CHST11: variants seen among roughly 807,000 people sequenced by gnomAD.
The protein encoded by CHST11 is carbohydrate sulfotransferase 11, also known as C4S-1.
CHST11 carries 9 observed loss-of-function variants against 30.4 expected under a neutral mutation model. That is an observed-to-expected ratio of 0.30 (90% CI 0.18 to 0.52). The LOEUF is 0.52. Ranked by LOEUF, CHST11 falls within the 20% of genes least tolerant of loss-of-function variation. CHST11 has a pLI of 0.97. For missense variants in CHST11, 348 were observed against 460.6 expected (o/e 0.76, Z 2.24); for synonymous variants, 152 against 187.8 (o/e 0.81, Z 1.56).
intron 1 of CHST11, among the ~76,000 whole-genome samples, chr12:104,541,403 T>A (rs1425624849): frequency 6.6e-6 from 1 of 152,218 alleles, no homozygotes; most frequent in African/African-American, 2.4e-5. Flanking sequence ...ACGTGGTCTG[T>A]GTTCGGTTTG....
intron 2 of CHST11, among the ~76,000 whole-genome samples, chr12:104,631,353 C>T (rs995798764): frequency 1.3e-5 from 2 of 152,162 alleles, no homozygotes; most frequent in African/African-American, 4.8e-5. Flanking sequence ...ACGGTGGTAG[C>T]GGACCCTGTT....
At chr12:104,577,361 T>G (rs183590641) in intron 1 of CHST11, among the ~76,000 whole-genome samples, 275 of 151,748 alleles carry the variant, frequency 1.8e-3, no homozygotes, top group African/African-American at 6.4e-3. Context: ...TCACGTTGTG[T>G]TCATGCAGCC....
At chr12:104,614,625 G>A (rs1222032443) in intron 2 of CHST11, among the ~76,000 whole-genome samples, 1 of 152,016 alleles carries the variant, frequency 6.6e-6, no homozygotes, top group Admixed American at 6.6e-5. Flanking sequence ...CCTAGACTAG[G>A]CATGTGTATG....
At chr12:104,487,790 T>C (rs2037697071) in intron 1 of CHST11, among the ~76,000 whole-genome samples, 1 of 152,148 alleles carries the variant, frequency 6.6e-6, no homozygotes, top group African/African-American at 2.4e-5. Context: ...TATCATTTAA[T>C]TATTTGTATT....
At position 104,590,771 on chromosome 12, in the gene CHST11, A is replaced by T. The variant is rs550725452; in HGVS notation, c.119-11135A>T. Reference sequence around the variant, plus strand: ...ACCCTGTGTACTTAAAAATGCCAAAAATTAGCTGGACATGGTGGCACACGC... The same window carrying T: ...ACCCTGTGTACTTAAAAATGCCAAATATTAGCTGGACATGGTGGCACACGC... On this transcript the variant is annotated intron_variant, in intron 1 of 2. Transcript: ENST00000303694. Among the ~76,000 whole-genome samples, 234 of 152,202 alleles carry T rather than the reference A, an allele frequency of 1.5e-3. 1 individual carries two copies. Among genetic ancestry groups the T allele is most frequent in the Non-Finnish European group, 3.0e-3 (204 of 67,994 alleles).
chr12:104,689,494 T>C (rs1316236917), intron 2 of CHST11, among the ~76,000 whole-genome samples: 1 of 152,252 alleles, frequency 6.6e-6, no homozygotes, highest in Admixed American at 6.5e-5. Flanking sequence ...GAATTCTCTT[T>C]CATGCATTCA....
intron 2 of CHST11, among the ~76,000 whole-genome samples, chr12:104,602,934 C>G (rs929171286): frequency 1.1e-4 from 17 of 152,098 alleles, no homozygotes; most frequent in Middle Eastern, 3.4e-3. Flanking sequence ...CCCCCTACCC[C>G]CCTTCCCAAT....
At chr12:104,654,935 G>A (rs140664962) in intron 2 of CHST11, among the ~76,000 whole-genome samples, 52 of 152,262 alleles carry the variant, frequency 3.4e-4, no homozygotes, top group African/African-American at 9.4e-4. Context: ...TATAATGACT[G>A]AATGAAAGAA....
chr12:104,514,157 C>A, intron 1 of CHST11: 2 of 1,039,634 alleles, frequency 1.9e-6, no homozygotes, highest in Non-Finnish European at 3.0e-6. Flanking sequence ...CTTCCTACAG[C>A]AGTTCCCTAC....
At chr12:104,616,954 C>T (rs2039113880) in intron 2 of CHST11, among the ~76,000 whole-genome samples, 1 of 152,144 alleles carries the variant, frequency 6.6e-6, no homozygotes, top group South Asian at 2.1e-4. Context: ...TGGAAGGTAG[C>T]ATGCTTCTGC....
At chr12:104,492,079 C>T (rs1024397522) in intron 1 of CHST11, among the ~76,000 whole-genome samples, 1 of 152,156 alleles carries the variant, frequency 6.6e-6, no homozygotes, top group Non-Finnish European at 1.5e-5. Flanking sequence ...AAAGAATCTC[C>T]TCTTACCATG....
chr12:104,721,373 T>A (rs775420118), intron 2 of CHST11, among the ~76,000 whole-genome samples: 2 of 152,238 alleles, frequency 1.3e-5, no homozygotes, highest in Non-Finnish European at 2.9e-5. Context: ...TAATCCCACA[T>A]GGGTCCAGGG....
chr12:104,667,607 A>G (rs2039653337), intron 2 of CHST11, among the ~76,000 whole-genome samples: 2 of 152,122 alleles, frequency 1.3e-5, no homozygotes, highest in Non-Finnish European at 2.9e-5. Flanking sequence ...CCAGTGTTGG[A>G]GCTAGGACTT....
intron 2 of CHST11, among the ~76,000 whole-genome samples, chr12:104,633,019 C>G (rs1285593890): frequency 1.3e-5 from 2 of 152,236 alleles, no homozygotes; most frequent in Non-Finnish European, 2.9e-5. Context: ...AGCCATCTCT[C>G]ATTTTTCAGA....
intron 2 of CHST11, among the ~76,000 whole-genome samples, chr12:104,727,167 G>A (rs1415010900): frequency 6.6e-6 from 1 of 151,444 alleles, no homozygotes; most frequent in East Asian, 2.0e-4. Context: ...TTCTAGAAGG[G>A]AATGGTTCTA....
chr12:104,596,076 T>C (rs929321033), intron 1 of CHST11, among the ~76,000 whole-genome samples: 2 of 152,190 alleles, frequency 1.3e-5, no homozygotes, highest in African/African-American at 2.4e-5. Context: ...GAGGGCTGAC[T>C]TTGGGTCCCC....
intron 2 of CHST11, among the ~76,000 whole-genome samples, chr12:104,716,373 T>A (rs2040131226): frequency 6.6e-6 from 1 of 152,244 alleles, no homozygotes; most frequent in Non-Finnish European, 1.5e-5. Flanking sequence ...GAGCACCTCA[T>A]GCAAACACTC....
chr12:104,634,539 C>G (rs2039304843), intron 2 of CHST11, among the ~76,000 whole-genome samples: 1 of 152,236 alleles, frequency 6.6e-6, no homozygotes, highest in African/African-American at 2.4e-5. Flanking sequence ...CGTCTCGCAC[C>G]ATTTCCAAAC....
chr12:104,601,908 A>G lies in CHST11; in HGVS notation c.121A>G (p.Met41Val). 6.2e-7 allele frequency: 1 copy of G among 1,611,652 alleles called. No homozygotes were observed. The highest frequency in any genetic ancestry group is 8.5e-7 in the Non-Finnish European group (1 of 1,178,324). The change falls in exon 2 of 3, where the codon ATG becomes GTG. Residue 41 changes from methionine to valine, a missense_variant and splice_region_variant. Physicochemically the swap from Met to Val is conservative, Grantham distance 21. Coordinates refer to ENST00000303694, the MANE Select transcript of CHST11 (RefSeq NM_018413.6). ...FYFQSMLHPV[M>V]RRNPFGVDIC... Reference sequence around the variant, plus strand: ...GAGCCTTCACTTTCTTTCCTCAGTCATGCGGAGGAATCCCTTTGGTGTGGA... The same window carrying G: ...GAGCCTTCACTTTCTTTCCTCAGTCGTGCGGAGGAATCCCTTTGGTGTGGA...
Sources: allele counts gnomAD v4.1 joint callset (sites outside exome capture counted in the v4.1 genomes callset), GRCh38; gene constraint gnomAD v4.1.1; transcripts MANE v1.5; gene names NCBI Gene and HGNC (gene_info 2026-07-23, HGNC 2026-07-21).